The following UFD1 variants were observed in gnomAD, a reference collection of about 807,000 sequenced individuals.
UFD1 encodes the protein ubiquitin recognition factor in ER-associated degradation protein 1.
Under a neutral mutation model 45.9 loss-of-function variants are expected in UFD1, and 13 were observed. The observed-to-expected ratio is 0.28, with a 90% CI of 0.18 to 0.45. UFD1 has a LOEUF of 0.45. Ranked by LOEUF, UFD1 falls within the 20% of genes least tolerant of loss-of-function variation. The pLI is 1.00. For missense variants in UFD1, 218 were observed against 389.2 expected, an observed-to-expected ratio of 0.56 and a Z score of 3.70; for synonymous variants, 128 against 139.2, an observed-to-expected ratio of 0.92 and a Z score of 0.56.
At chr22:19,466,857 TA>T (rs1245060445) in intron 5 of UFD1, 1 of 152,174 alleles carries the variant, frequency 6.6e-6, no homozygotes, top group Non-Finnish European at 1.5e-5. Flanking sequence ...GCAACACATG[TA>T]AAAACCCTGA....
intron 11 of UFD1, chr22:19,451,360 T>G: frequency 4.1e-6 from 4 of 985,466 alleles, no homozygotes; most frequent in Non-Finnish European, 4.8e-6. Context: ...TTAATGTATT[T>G]GCACACAACT....
At chr22:19,450,878 G>A in intron 11 of UFD1, 134 bp from the exon 12 acceptor site, 2 of 1,523,028 alleles carry the variant, frequency 1.3e-6, no homozygotes, top group Non-Finnish European at 1.8e-6. Flanking sequence ...GCTGACACCT[G>A]TAATCCCAGC....
chr22:19,469,192 G>T (rs1176671991), intron 4 of UFD1, among the ~76,000 whole-genome samples: 1 of 152,224 alleles, frequency 6.6e-6, no homozygotes, highest in Non-Finnish European at 1.5e-5. Context: ...GGCATCCCCA[G>T]GAGTGATGTT....
chr22:19,472,696 G>A (rs1319784072), intron 3 of UFD1, among the ~76,000 whole-genome samples: 3 of 152,182 alleles, frequency 2.0e-5, no homozygotes, highest in Non-Finnish European at 4.4e-5. Context: ...CCCTTGTTCA[G>A]TCTTCCCAGA....
intron 5 of UFD1, chr22:19,467,215 TG>T (rs2089809289): frequency 1.3e-5 from 2 of 151,096 alleles, no homozygotes; most frequent in African/African-American, 4.9e-5. Flanking sequence ...AGAAGTAGAA[TG>T]GAGTGGCCAC....
chr22:19,457,667 C>T (rs1049146510), intron 7 of UFD1, among the ~76,000 whole-genome samples: 7 of 152,206 alleles, frequency 4.6e-5, no homozygotes, highest in Middle Eastern at 6.8e-3. Context: ...CAAAACTAGC[C>T]GGGCCTGGTG....
chr22:19,468,515 T>G (rs1385086083), intron 4 of UFD1, among the ~76,000 whole-genome samples: 1 of 152,074 alleles, frequency 6.6e-6, no homozygotes, highest in Admixed American at 6.5e-5. Flanking sequence ...TCCACATGTC[T>G]CTATTAAACA....
chr22:19,467,247 A>T (rs1335931084), intron 5 of UFD1: 1 of 151,716 alleles, frequency 6.6e-6, no homozygotes, highest in East Asian at 1.9e-4. Context: ...TGATCGTAAC[A>T]GGAAAAATCA....
rs559800194 is a variant in UFD1 at position 19,474,207 on chromosome 22, A to G, written c.169+861T>C. ...GCTTCTGGATGGAAGACAATAGCTC[A>G]GTTTTTGACATGCTGAGGATGCATT... On this transcript the variant is annotated intron_variant, in intron 3 of 11. Transcript: ENST00000263202. 1.4e-3 allele frequency among the ~76,000 whole-genome samples: 219 copies of G among 152,280 alleles called. 1 individual carries two copies. Among genetic ancestry groups the G allele is most frequent in the African/African-American group, 5.2e-3 (214 of 41,544 alleles).
At chr22:19,478,765 TG>T in intron 1 of UFD1, 2 of 434,890 alleles carry the variant, frequency 4.6e-6, no homozygotes, top group Non-Finnish European at 8.2e-6. Flanking sequence ...CAACTAACTT[TG>T]GGTTTATGGA....
rs1458169577 is a variant in UFD1, at chr22:19,467,934, T to C, written c.361A>G (p.Thr121Ala). 6 of 1,614,150 alleles carry C rather than the reference T, an allele frequency of 3.7e-6. No individual in the cohort carries two copies. Among genetic ancestry groups the C allele is most frequent in the Non-Finnish European group, 5.1e-6 (6 of 1,180,018 alleles). Residue 121 changes from threonine (T) to alanine (A), a missense_variant, in exon 5 of 12, where the codon ACC becomes GCC. Around this residue, in one of 2 missense-constraint regions of UFD1, gnomAD observed 149 missense variants for 307.5 expected, o/e 0.48. Coordinates refer to ENST00000263202, the MANE Select transcript of UFD1 (RefSeq NM_005659.7). ...CTCTGAGGTTGGAATTTGGAGTAGG[T>C]GGCCACTTGAAGGTTGACGCTCTCC... ...QVESVNLQVA[T>A]YSKFQPQSPD...
At chr22:19,464,797 T>C (rs1473094792) in intron 6 of UFD1, among the ~76,000 whole-genome samples, 2 of 152,218 alleles carry the variant, frequency 1.3e-5, no homozygotes, top group Admixed American at 1.3e-4. Context: ...TTGGCCCCAC[T>C]GAAGGGCCTG....
At chr22:19,475,385 C>A in intron 2 of UFD1, 85 bp downstream of exon 2, 1 of 1,558,108 alleles carries the variant, frequency 6.4e-7, no homozygotes. Flanking sequence ...CTGACTCCCA[C>A]ATGCAAAGTA....
At chr22:19,456,173 A>T (rs1321517611) in intron 9 of UFD1, among the ~76,000 whole-genome samples, 1 of 151,778 alleles carries the variant, frequency 6.6e-6, no homozygotes, top group East Asian at 1.9e-4. Flanking sequence ...AACCACCTCC[A>T]CCTGTTTCCC....
intron 4 of UFD1, among the ~76,000 whole-genome samples, chr22:19,468,594 T>C (rs1254510915): frequency 6.6e-6 from 1 of 152,116 alleles, no homozygotes; most frequent in Non-Finnish European, 1.5e-5. Flanking sequence ...GAGTACTGGG[T>C]GTGCAGGGAG....
intron 4 of UFD1, among the ~76,000 whole-genome samples, chr22:19,469,018 T>C (rs1361723504): frequency 2.0e-5 from 3 of 152,184 alleles, no homozygotes; most frequent in Non-Finnish European, 4.4e-5. Flanking sequence ...GAGTGAAGCC[T>C]GAGTGGTGGG....
At chr22:19,462,092 C>T (rs1364566583) in intron 6 of UFD1, among the ~76,000 whole-genome samples, 3 of 152,122 alleles carry the variant, frequency 2.0e-5, no homozygotes, top group Non-Finnish European at 2.9e-5. Context: ...TTCTGCCTCC[C>T]GGACTCAAGT....
chr22:19,478,589 T>G (rs1357297704), intron 1 of UFD1, among the ~76,000 whole-genome samples: 1 of 150,258 alleles, frequency 6.7e-6, no homozygotes, highest in Non-Finnish European at 1.5e-5. Context: ...TCCATCGTTA[T>G]CATTACCGAA....
intron 5 of UFD1, chr22:19,467,301 C>T (rs1459424969): frequency 6.6e-6 from 1 of 152,628 alleles, no homozygotes; most frequent in East Asian, 1.9e-4. Context: ...ACAGCACCGT[C>T]CCGTACCTGC....
Sources: allele counts gnomAD v4.1 joint callset (sites outside exome capture counted in the v4.1 genomes callset), GRCh38; gene constraint gnomAD v4.1.1; regional missense constraint gnomAD v4.1.1; transcripts MANE v1.5; gene names NCBI Gene and HGNC (gene_info 2026-07-23, HGNC 2026-07-21).